The following LHFPL2 variants were observed in gnomAD, a reference collection of about 807,000 sequenced individuals.
The protein encoded by LHFPL2 is LHFPL tetraspan subfamily member 2, also known as LHFPL tetraspan subfamily member 2 protein.
Under a neutral mutation model 17.5 loss-of-function variants are expected in LHFPL2, and 7 were observed. The observed-to-expected ratio is 0.40, with a 90% CI of 0.23 to 0.75. LHFPL2 has a LOEUF of 0.75. Ranked by LOEUF, LHFPL2 falls within the 30% of genes least tolerant of loss-of-function variation. LHFPL2 has a pLI of 0.37. For synonymous variants in LHFPL2, 134 were observed against 116.2 expected (o/e 1.15, Z -0.99); for missense variants, 241 against 294.8 (o/e 0.82, Z 1.34).
chr5:78,596,397 G>A (rs1249177348), intron 2 of LHFPL2, among the ~76,000 whole-genome samples: 5 of 152,180 alleles, frequency 3.3e-5, no homozygotes, highest in South Asian at 2.1e-4. Context: ...AGGCATGAAC[G>A]AATCAATGAA....
chr5:78,566,167 A>G (rs1756854611), intron 2 of LHFPL2, among the ~76,000 whole-genome samples: 2 of 152,232 alleles, frequency 1.3e-5, no homozygotes, highest in South Asian at 4.1e-4. Context: ...CTTATTTTCT[A>G]TAATCAAATT....
At chr5:78,615,172 C>G (rs893960120) in intron 2 of LHFPL2, among the ~76,000 whole-genome samples, 8 of 152,184 alleles carry the variant, frequency 5.3e-5, no homozygotes, top group Non-Finnish European at 1.0e-4. Flanking sequence ...ACCAATCCCC[C>G]TCCCACAGCC....
intron 3 of LHFPL2, among the ~76,000 whole-genome samples, chr5:78,562,216 T>A (rs1278845032): frequency 6.6e-6 from 1 of 152,142 alleles, no homozygotes; most frequent in South Asian, 2.1e-4. Context: ...GGATTATCCA[T>A]GAGTAGAGAT....
chr5:78,525,657 G>A (rs1302479676), intron 3 of LHFPL2, among the ~76,000 whole-genome samples: 1 of 152,198 alleles, frequency 6.6e-6, no homozygotes, highest in Non-Finnish European at 1.5e-5. Flanking sequence ...AAAGAGAAAA[G>A]AGATGAAATG....
intron 2 of LHFPL2, among the ~76,000 whole-genome samples, chr5:78,615,856 C>T (rs377459680): frequency 2.0e-5 from 3 of 152,056 alleles, no homozygotes; most frequent in African/African-American, 4.8e-5. Context: ...CCTCTCTTTT[C>T]GACCATCTGA....
intron 2 of LHFPL2, among the ~76,000 whole-genome samples, chr5:78,601,453 T>C (rs887717376): frequency 3.9e-5 from 6 of 152,184 alleles, no homozygotes; most frequent in African/African-American, 7.2e-5. Flanking sequence ...CTCATGTTTG[T>C]ATGTAATTAA....
intron 2 of LHFPL2, among the ~76,000 whole-genome samples, chr5:78,567,344 G>C (rs574019809): frequency 6.6e-6 from 1 of 152,220 alleles, no homozygotes; most frequent in African/African-American, 2.4e-5. Flanking sequence ...GGTTTGGTTA[G>C]TTTACAGGGT....
intron 2 of LHFPL2, among the ~76,000 whole-genome samples, chr5:78,602,304 T>C (rs745760831): frequency 8.5e-5 from 13 of 152,236 alleles, no homozygotes; most frequent in Non-Finnish European, 1.9e-4. Flanking sequence ...TTTCTGTTAA[T>C]GTCACAGAAA....
intron 4 of LHFPL2, among the ~76,000 whole-genome samples, chr5:78,497,785 A>G (rs1005551742): frequency 3.3e-5 from 5 of 152,250 alleles, no homozygotes; most frequent in Non-Finnish European, 7.3e-5. Flanking sequence ...GGTCTTTTGC[A>G]TAACTGCCTG....
At chr5:78,546,341 C>T (rs1756273548) in intron 3 of LHFPL2, among the ~76,000 whole-genome samples, 1 of 152,244 alleles carries the variant, frequency 6.6e-6, no homozygotes, top group East Asian at 1.9e-4. Context: ...AGGCACTCCA[C>T]TCACTAAAAC....
intron 3 of LHFPL2, among the ~76,000 whole-genome samples, chr5:78,534,400 G>A (rs1164761035): frequency 6.6e-6 from 1 of 152,198 alleles, no homozygotes; most frequent in Non-Finnish European, 1.5e-5. Context: ...TGCTCTTCCA[G>A]GGCCGTAGCA....
At chr5:78,574,210 T>C (rs1561345677) in intron 2 of LHFPL2, among the ~76,000 whole-genome samples, 1 of 152,340 alleles carries the variant, frequency 6.6e-6, no homozygotes, top group East Asian at 1.9e-4. Context: ...GTGAAGATAC[T>C]GGTCCGTGGG....
intron 2 of LHFPL2, among the ~76,000 whole-genome samples, chr5:78,602,090 A>G (rs185994972): frequency 6.6e-6 from 1 of 152,344 alleles, no homozygotes; most frequent in African/African-American, 2.4e-5. Flanking sequence ...AAGAAGTTCC[A>G]CTGAAATTTC....
intron 2 of LHFPL2, among the ~76,000 whole-genome samples, chr5:78,581,568 T>C (rs558639057): frequency 5.3e-5 from 8 of 152,286 alleles, no homozygotes; most frequent in Middle Eastern, 3.4e-3. Context: ...TTGTCTTTGG[T>C]TCTGTTTATA....
intron 2 of LHFPL2, among the ~76,000 whole-genome samples, chr5:78,612,757 G>A (rs762558043): frequency 3.9e-5 from 6 of 152,198 alleles, no homozygotes; most frequent in Admixed American, 1.3e-4. Flanking sequence ...GGTGCCAGGC[G>A]CAGTCTTCAA....
rs543867061 is a variant in LHFPL2 at position 78,585,749 on chromosome 5, G to A, written c.-244-20878C>T. On this transcript the variant is annotated intron_variant, in intron 2 of 4. Transcript: ENST00000380345. ...GAGCCCTGGCTATATGCCGGGCACT[G>A]TGCTAGGCACTTAATAGCATTTGTC... 2.8e-4 allele frequency among the ~76,000 whole-genome samples: 42 copies of A among 152,274 alleles called. No homozygotes were observed. In the South Asian group the frequency reaches 2.9e-3, roughly 11 times the overall value.
chr5:78,535,925 A>C (rs1169181649), intron 3 of LHFPL2, among the ~76,000 whole-genome samples: 1 of 152,198 alleles, frequency 6.6e-6, no homozygotes, highest in Non-Finnish European at 1.5e-5. Flanking sequence ...TGAGCATCAG[A>C]ATAACTGTTT....
At chr5:78,588,966 T>A (rs966312848) in intron 2 of LHFPL2, among the ~76,000 whole-genome samples, 1 of 152,186 alleles carries the variant, frequency 6.6e-6, no homozygotes, top group Non-Finnish European at 1.5e-5. Context: ...GGGACTAATA[T>A]ATATTGTTAC....
chr5:78,572,801 C>T (rs1042364088), intron 2 of LHFPL2, among the ~76,000 whole-genome samples: 5 of 152,140 alleles, frequency 3.3e-5, no homozygotes, highest in Non-Finnish European at 7.3e-5. Context: ...CACCAGGGAC[C>T]TGTTTCCTGG....
Sources: gnomAD v4.1 joint callset for allele counts (sites outside exome capture counted in the v4.1 genomes callset) on GRCh38, gnomAD v4.1.1 for gene constraint, MANE v1.5 for transcripts, NCBI Gene and HGNC (gene_info 2026-07-23, HGNC 2026-07-21) for gene names.